ADAMTS9: variants seen among roughly 807,000 people sequenced by gnomAD.
The protein encoded by ADAMTS9 is ADAM metallopeptidase with thrombospondin type 1 motif 9.
A neutral mutation model predicts 257.1 loss-of-function variants in ADAMTS9; 107 were observed. The ratio of observed to expected loss-of-function variants is 0.42; its 90% CI spans 0.36 to 0.49. The LOEUF is 0.49. Ranked by LOEUF, ADAMTS9 falls within the 20% of genes least tolerant of loss-of-function variation. ADAMTS9 has a pLI of 0.03. For synonymous variants in ADAMTS9, 982 were observed against 880.9 expected, an observed-to-expected ratio of 1.11 and a Z score of -2.03; for missense variants, 2,353 against 2,469.1, an observed-to-expected ratio of 0.95 and a Z score of 1.00.
chr3:64,620,559 A>G (rs1438857319), intron 19 of ADAMTS9, among the ~76,000 whole-genome samples: 1 of 152,188 alleles, frequency 6.6e-6, no homozygotes, highest in Non-Finnish European at 1.5e-5. Flanking sequence ...AGAATGCTCT[A>G]CCCACCCAGT....
chr3:64,617,425 T>C (rs1559794156), intron 19 of ADAMTS9, among the ~76,000 whole-genome samples: 1 of 152,184 alleles, frequency 6.6e-6, no homozygotes, highest in Non-Finnish European at 1.5e-5. Flanking sequence ...GCAGAGAATC[T>C]TGAAGAGTCT....
intron 26 of ADAMTS9, 25 bp downstream of exon 26, chr3:64,601,919 C>G: frequency 1.9e-6 from 3 of 1,559,128 alleles, no homozygotes; most frequent in Non-Finnish European, 2.6e-6. Flanking sequence ...GAAAGAGAAG[C>G]AAGCAAACTT....
intron 22 of ADAMTS9, among the ~76,000 whole-genome samples, chr3:64,608,396 G>A (rs879918780): frequency 2.0e-5 from 3 of 151,524 alleles, no homozygotes; most frequent in Non-Finnish European, 4.4e-5. Context: ...CAACAAAATT[G>A]ATAAACCTTT....
At chr3:64,584,664 A>T (rs2084100624) in intron 28 of ADAMTS9, among the ~76,000 whole-genome samples, 1 of 152,166 alleles carries the variant, frequency 6.6e-6, no homozygotes, top group Admixed American at 6.5e-5. Flanking sequence ...TTTCCAACTT[A>T]TAGAAAGATT....
chr3:64,599,927 GC>G (rs2084427890), intron 26 of ADAMTS9, among the ~76,000 whole-genome samples: 2 of 152,068 alleles, frequency 1.3e-5, no homozygotes, highest in South Asian at 4.1e-4. Context: ...TTATTATCTG[GC>G]CCTCTGCAGA....
chr3:64,522,211 G>A lies in ADAMTS9; in HGVS notation c.5768C>T (p.Thr1923Ile). The A allele has an allele frequency of 6.2e-7, 1 of 1,614,086 alleles. No homozygotes were observed. The highest frequency in any genetic ancestry group is 8.5e-7 in the Non-Finnish European group (1 of 1,179,966). Residue 1923 changes from threonine (T) to isoleucine (I), a missense_variant, in exon 39 of 40, where the codon ACT becomes ATT. Thr to Ile is a moderately conservative substitution (Grantham distance 89). Transcript: ENST00000498707. ...GKCGGYCGKC[T>I]PSSGTGLEVR... is the part of the protein sequence containing the mutation. ...CTCCAGGCCAGTACCAGAGGATGGA[G>A]TGCATTTTCCACAGTAACCACCGCA...
chr3:64,584,192 G>A (rs969092888), intron 28 of ADAMTS9: 2 of 152,124 alleles, frequency 1.3e-5, no homozygotes. Flanking sequence ...AAGGAATCTG[G>A]ATGTGGACTG....
At position 64,614,839 on chromosome 3, in the gene ADAMTS9, C is replaced by CT. The variant is rs58885924; in HGVS notation, c.3189+481dup. 494 of 142,656 alleles carry CT rather than the reference C, an allele frequency of 3.5e-3. 4 individuals are homozygous for CT. The highest frequency in any genetic ancestry group is 0.013 in the East Asian group (62 of 4,960). 8.8% of individuals were successfully genotyped at this position (142,656 alleles called of 1,614,324 possible). ...ATACTCAGTCTGGTCCATTTCTTTT[C>CT]TTTTTTTTTTTTTCCGAGTTTTATT... On this transcript the variant is annotated intron_variant, in intron 21 of 39. Transcript: ENST00000498707.
intron 11 of ADAMTS9, among the ~76,000 whole-genome samples, chr3:64,645,015 A>C (rs1488939046): frequency 6.6e-6 from 1 of 152,222 alleles, no homozygotes; most frequent in Non-Finnish European, 1.5e-5. Flanking sequence ...ACTTCAGAGG[A>C]ATATGAAAAG....
chr3:64,611,363 T>C (rs2084663216), intron 22 of ADAMTS9, among the ~76,000 whole-genome samples: 1 of 152,180 alleles, frequency 6.6e-6, no homozygotes, highest in Non-Finnish European at 1.5e-5. Flanking sequence ...CACTGCGGTA[T>C]GTGAAAGAAG....
chr3:64,576,562 A>G (rs1446808729), intron 28 of ADAMTS9, among the ~76,000 whole-genome samples: 6 of 152,228 alleles, frequency 3.9e-5, no homozygotes, highest in Admixed American at 3.3e-4. Context: ...GCGTAAAGCC[A>G]GTGTTGACAA....
intron 28 of ADAMTS9, 174 bp from the exon 29 acceptor site, chr3:64,568,709 G>GAA: frequency 1.6e-6 from 1 of 627,454 alleles, no homozygotes; most frequent in Non-Finnish European, 2.5e-6. Context: ...AGGTGGCATT[G>GAA]AAAAAAAAAA....
At chr3:64,594,566 G>T in intron 27 of ADAMTS9, 132 bp from the exon 28 acceptor site, 1 of 1,055,450 alleles carries the variant, frequency 9.5e-7, no homozygotes, top group Non-Finnish European at 1.4e-6. Flanking sequence ...ATGGAACCAA[G>T]GTGAATTACC....
At chr3:64,631,176 A>G (rs1007198664) in intron 16 of ADAMTS9, among the ~76,000 whole-genome samples, 2 of 152,252 alleles carry the variant, frequency 1.3e-5, no homozygotes, top group Admixed American at 6.5e-5. Flanking sequence ...AACTTAGAGG[A>G]TAAGTACTTT....
chr3:64,594,382 C>A lies in ADAMTS9; in HGVS notation c.4232G>T (p.Arg1411Leu), dbSNP rs139134722. Residue 1411 changes from arginine (R) to leucine (L), a missense_variant, in exon 28 of 40, where the codon CGG becomes CTG. Physicochemically the swap from Arg to Leu is moderately radical, Grantham distance 102. Transcript: ENST00000498707. ...GIRTRLVVCQ[R>L]SNGERFPDLS... ...ATCTGGAAACCGTTCACCGTTGGAC[C>A]GCTGACAGACCACCAGTCTTGTTCT... The A allele has an allele frequency of 1.2e-6, 2 of 1,614,058 alleles. No homozygotes were observed. The highest frequency in any genetic ancestry group is 2.2e-5 in the East Asian group (1 of 44,866).
Position 64,681,248 on chromosome 3 carries a change from G to A in ADAMTS9, c.632C>T (p.Ala211Val), listed in dbSNP as rs371111197. ...NKPHIIYRRS[A>V]PQREPSTGRH... ...TCCTGTTGAGGGCTCTCTCTGGGGG[G>A]CGCTGCGCCTATAAATGATGTGGGG... The change falls in exon 3 of 40, where the codon GCC becomes GTC. Residue 211 changes from alanine to valine, a missense_variant. Ala to Val is a moderately conservative substitution (Grantham distance 64). Transcript: ENST00000498707. The A allele has an allele frequency of 1.3e-5, 21 of 1,613,872 alleles. No individual in the cohort carries two copies. Among genetic ancestry groups the A allele is most frequent in the South Asian group, 2.2e-5 (2 of 91,070 alleles).
rs1404394613 is a variant in ADAMTS9, at chr3:64,621,212, G to T, written c.2715C>A (p.Thr905=). ...AAACAGTAAGCTGATCAGATTCCCTGGTGCAAACAAGTTTTCGTTTCCGTT... is the reference window on the plus strand; with the variant it reads ...AAACAGTAAGCTGATCAGATTCCCTTGTGCAAACAAGTTTTCGTTTCCGTT... The part of the protein sequence containing the change: ...QGERKRKLVC[T]RESDQLTVSD... The change falls in exon 19 of 40, where the codon ACC becomes ACA. Residue 905 remains threonine (T), a synonymous_variant. Coordinates refer to ENST00000498707, the MANE Select transcript of ADAMTS9 (RefSeq NM_182920.2). The T allele has an allele frequency of 1.2e-6, 2 of 1,613,636 alleles. No individual in the cohort carries two copies. Among genetic ancestry groups the T allele is most frequent in the Admixed American group, 1.7e-5 (1 of 59,992 alleles).
At chr3:64,546,719 C>G in intron 32 of ADAMTS9, 39 bp downstream of exon 32, 1 of 1,546,738 alleles carries the variant, frequency 6.5e-7, no homozygotes, top group East Asian at 2.3e-5. Flanking sequence ...GGTTGAGATC[C>G]AAGGGCTTTC....
At chr3:64,673,304 T>C (rs941475930) in intron 3 of ADAMTS9, among the ~76,000 whole-genome samples, 2 of 152,138 alleles carry the variant, frequency 1.3e-5, no homozygotes, top group South Asian at 4.1e-4. Context: ...ATTAAATCAC[T>C]CTGAGAAGTG....
Sources: allele counts gnomAD v4.1 joint callset (sites outside exome capture counted in the v4.1 genomes callset), GRCh38; gene constraint gnomAD v4.1.1; transcripts MANE v1.5; gene names NCBI Gene and HGNC (gene_info 2026-07-23, HGNC 2026-07-21).